Variants in PPARGC1A observed in about 807,000 individuals in gnomAD.
PPARGC1A encodes the protein PPARG coactivator 1 alpha.
PPARGC1A carries 25 observed loss-of-function variants against 88.7 expected under a neutral mutation model. The observed-to-expected ratio is 0.28, with a 90% CI of 0.21 to 0.39. PPARGC1A has a LOEUF of 0.39. Ranked by LOEUF, PPARGC1A falls within the 10% of genes least tolerant of loss-of-function variation. The pLI, the probability that PPARGC1A is intolerant of heterozygous loss-of-function variation, is 1.00. For synonymous variants in PPARGC1A, 363 were observed against 355.6 expected (o/e 1.02, Z -0.24); for missense variants, 880 against 968.7 (o/e 0.91, Z 1.22).
At chr4:23,960,290 G>C in the PPARGC1A span, among the ~76,000 whole-genome samples, 1 of 152,094 alleles carries the variant, frequency 6.6e-6, no homozygotes, top group African/African-American at 2.4e-5. Flanking sequence ...GATGCAAGAG[G>C]GGAGAGATGA....
chr4:24,119,950 TC>T, the PPARGC1A span, among the ~76,000 whole-genome samples: 13 of 152,170 alleles, frequency 8.5e-5, no homozygotes, highest in South Asian at 2.5e-3. Flanking sequence ...GTTACAAATA[TC>T]CCTGGGAGAG....
rs763592805 is a variant in PPARGC1A, at chr4:23,814,466, T to A, written c.1017A>T (p.Thr339=). The A allele has an allele frequency of 2.5e-6, 4 of 1,613,778 alleles. No homozygotes were observed. The highest frequency in any genetic ancestry group is 2.5e-6 in the Non-Finnish European group (3 of 1,179,932). The part of the protein sequence containing the change: ...KKPRYSESSG[T]QGNNSTKKGP... ...CTTTCTTGGTGGAGTTATTGCCTTG[T>A]GTACCAGAAGACTCACTGTACCTGG... The change falls in exon 8 of 13, where the codon ACA becomes ACT. Residue 339 remains threonine (T), a synonymous_variant. Transcript: ENST00000264867.
chr4:24,062,396 G>A, the PPARGC1A span, among the ~76,000 whole-genome samples: 3 of 152,116 alleles, frequency 2.0e-5, no homozygotes, highest in Admixed American at 6.5e-5. Flanking sequence ...TTCTTAATAG[G>A]TGAAATGTGC....
the PPARGC1A span, among the ~76,000 whole-genome samples, chr4:24,143,688 T>C: frequency 1.3e-5 from 2 of 152,240 alleles, no homozygotes; most frequent in Admixed American, 6.5e-5. Flanking sequence ...CTGTGCTAAC[T>C]ATTTTGATCA....
At chr4:24,282,445 A>T in the PPARGC1A span, among the ~76,000 whole-genome samples, 28 of 152,228 alleles carry the variant, frequency 1.8e-4, no homozygotes, top group African/African-American at 6.8e-4. Context: ...GCTGCATAAC[A>T]AAAAGAAAGG....
the PPARGC1A span, among the ~76,000 whole-genome samples, chr4:24,177,747 A>C: frequency 2.0e-5 from 3 of 151,894 alleles, no homozygotes; most frequent in African/African-American, 7.3e-5. Flanking sequence ...ATTCAATAAG[A>C]GCTGGCAGGC....
the PPARGC1A span, among the ~76,000 whole-genome samples, chr4:23,995,610 G>C: frequency 3.3e-5 from 5 of 152,146 alleles, no homozygotes; most frequent in African/African-American, 1.2e-4. Flanking sequence ...TTACATTTCT[G>C]TCACCTCCTT....
At chr4:24,390,522 A>G in the PPARGC1A span, among the ~76,000 whole-genome samples, 2 of 152,118 alleles carry the variant, frequency 1.3e-5, no homozygotes, top group Non-Finnish European at 2.9e-5. Context: ...CATGTTATGC[A>G]CATGTGCACG....
At chr4:23,801,975 A>G in intron 11 of PPARGC1A, 94 bp from the exon 12 acceptor site, 1 of 1,460,752 alleles carries the variant, frequency 6.8e-7, no homozygotes, top group Admixed American at 1.9e-5. Context: ...TCCAGTGCCA[A>G]CGTCTGAGCC....
the PPARGC1A span, among the ~76,000 whole-genome samples, chr4:24,102,983 CA>C: frequency 1.3e-5 from 2 of 152,122 alleles, no homozygotes; most frequent in African/African-American, 2.4e-5. Context: ...CATATCAAAC[CA>C]GGGGCTTGAA....
intron 1 of PPARGC1A, among the ~76,000 whole-genome samples, chr4:23,885,986 C>T (rs948951332): frequency 3.3e-5 from 5 of 152,254 alleles, no homozygotes; most frequent in Admixed American, 3.3e-4. Context: ...GTGGACTCCC[C>T]TTACCAATGA....
At chr4:23,922,506 C>CA in the PPARGC1A span, among the ~76,000 whole-genome samples, 1 of 152,098 alleles carries the variant, frequency 6.6e-6, no homozygotes, top group South Asian at 2.1e-4. Flanking sequence ...TTTATTAGTT[C>CA]AGTTAGTTCA....
At chr4:23,855,060 GAGTA>G (rs1177732781) in intron 2 of PPARGC1A, among the ~76,000 whole-genome samples, 1 of 151,470 alleles carries the variant, frequency 6.6e-6, no homozygotes, top group Non-Finnish European at 1.5e-5. Context: ...TCATGGTAGT[GAGTA>G]AGTCTCATGA....
chr4:23,825,756 G>T (rs185758370), intron 5 of PPARGC1A, among the ~76,000 whole-genome samples: 2 of 152,092 alleles, frequency 1.3e-5, no homozygotes, highest in Non-Finnish European at 2.9e-5. Flanking sequence ...CAGTTGAATG[G>T]TATATCATAC....
the PPARGC1A span, among the ~76,000 whole-genome samples, chr4:24,186,857 TA>T: frequency 6.6e-6 from 1 of 152,082 alleles, no homozygotes; most frequent in Non-Finnish European, 1.5e-5. Context: ...AAATAAAATT[TA>T]AAAAAACTGT....
the PPARGC1A span, among the ~76,000 whole-genome samples, chr4:24,355,896 T>A: frequency 6.6e-6 from 1 of 152,274 alleles, no homozygotes; most frequent in Non-Finnish European, 1.5e-5. Context: ...CCTATCTCTA[T>A]AAGAGATAAT....
At chr4:24,388,143 G>GAAA in the PPARGC1A span, among the ~76,000 whole-genome samples, 295 of 148,306 alleles carry the variant, frequency 2.0e-3, 4 homozygotes, top group African/African-American at 6.5e-3. Flanking sequence ...AAATCTACAA[G>GAAA]AAAAAAAAAA....
the PPARGC1A span, among the ~76,000 whole-genome samples, chr4:24,100,858 TTC>T: frequency 6.6e-6 from 1 of 152,164 alleles, no homozygotes; most frequent in African/African-American, 2.4e-5. Context: ...AAGAGCTGAA[TTC>T]ATACTTTCTA....
At chr4:23,882,234 G>A (rs767429848) in intron 2 of PPARGC1A, 1 of 152,170 alleles carries the variant, frequency 6.6e-6, no homozygotes, top group Non-Finnish European at 1.5e-5. Context: ...GACACTAAGA[G>A]GATACCTGAC....
Sources: allele counts gnomAD v4.1 joint callset (sites outside exome capture counted in the v4.1 genomes callset), GRCh38; gene constraint gnomAD v4.1.1; transcripts MANE v1.5; gene names NCBI Gene and HGNC (gene_info 2026-07-23, HGNC 2026-07-21).